The following SLC4A4 variants were observed in gnomAD, a reference collection of about 807,000 sequenced individuals.
SLC4A4 encodes the protein electrogenic sodium bicarbonate cotransporter 1.
In SLC4A4, 27 loss-of-function variants were observed where a neutral mutation model predicts 111.5. The observed-to-expected ratio is 0.24, with a 90% confidence interval of 0.18 to 0.33. The LOEUF (loss-of-function observed/expected upper bound fraction) is 0.33, where lower values mean the gene tolerates loss of function less well. Among genes scored for constraint, SLC4A4 ranks in the 10% least tolerant of loss-of-function variants. SLC4A4 has a pLI of 1.00. For missense variants in SLC4A4, 909 were observed against 1,315.5 expected (o/e 0.69, Z 4.78); for synonymous variants, 443 against 463.4 (o/e 0.96, Z 0.57).
chr4:71,196,942 CG>C (rs1157486240), intron 1 of SLC4A4, among the ~76,000 whole-genome samples: 1 of 146,382 alleles, frequency 6.8e-6, no homozygotes, highest in Non-Finnish European at 1.5e-5. Context: ...TGGCTGGGCA[CG>C]GTGGCTCACG....
intron 2 of SLC4A4, among the ~76,000 whole-genome samples, chr4:71,141,479 C>T (rs1465217829): frequency 6.6e-6 from 1 of 152,124 alleles, no homozygotes. Flanking sequence ...TGTATTTCTC[C>T]TTTTGGGCAT....
chr4:71,308,475 G>A lies in SLC4A4; in HGVS notation c.254-30895G>A, dbSNP rs1045553319. On this transcript the variant is annotated intron_variant, in intron 3 of 25. Coordinates refer to ENST00000264485, the MANE Select transcript of SLC4A4 (RefSeq NM_001098484.3). ...AGAGCTCCAGTCTGTAGCTCCCAGC[G>A]AGACCAATGCAGAAGGCGGGTGATT... 7.2e-5 allele frequency among the ~76,000 whole-genome samples: 11 copies of A among 152,260 alleles called. No individual in the cohort carries two copies. In the East Asian group the frequency reaches 1.4e-3, roughly 19 times the overall value.
At chr4:71,329,706 G>C (rs1014604928) in intron 3 of SLC4A4, among the ~76,000 whole-genome samples, 18 of 152,002 alleles carry the variant, frequency 1.2e-4, no homozygotes, top group African/African-American at 4.1e-4. Context: ...AGTTCTAATA[G>C]CTTTTTGGTG....
At chr4:71,303,519 A>C (rs1174744086) in intron 3 of SLC4A4, among the ~76,000 whole-genome samples, 3 of 152,192 alleles carry the variant, frequency 2.0e-5, no homozygotes, top group Non-Finnish European at 4.4e-5. Flanking sequence ...GAATCTCTTC[A>C]TGACTACTGT....
At chr4:71,084,841 T>C (rs1742110737) in intron 1 of SLC4A4, among the ~76,000 whole-genome samples, 1 of 152,038 alleles carries the variant, frequency 6.6e-6, no homozygotes, top group South Asian at 2.1e-4. Context: ...TCTTTGCTAT[T>C]GTGAATAGTG....
At chr4:71,194,154 G>A (rs1295048206) in intron 1 of SLC4A4, among the ~76,000 whole-genome samples, 3 of 152,044 alleles carry the variant, frequency 2.0e-5, no homozygotes, top group African/African-American at 7.2e-5. Flanking sequence ...CTTATTAGTT[G>A]TTTTGAGAAT....
intron 6 of SLC4A4, among the ~76,000 whole-genome samples, chr4:71,385,396 C>T (rs1006542565): frequency 6.6e-6 from 1 of 151,292 alleles, no homozygotes; most frequent in East Asian, 1.9e-4. Context: ...CGGGGTTTCT[C>T]CATGTTGATC....
At chr4:71,373,825 T>C (rs572904162) in intron 6 of SLC4A4, among the ~76,000 whole-genome samples, 10 of 152,226 alleles carry the variant, frequency 6.6e-5, no homozygotes, top group African/African-American at 2.2e-4. Context: ...AGAAATGTTA[T>C]AGGAATGGTG....
chr4:71,221,453 G>A (rs1231936609), intron 1 of SLC4A4, among the ~76,000 whole-genome samples: 2 of 152,152 alleles, frequency 1.3e-5, no homozygotes, highest in Non-Finnish European at 2.9e-5. Flanking sequence ...TTCCCCCAAA[G>A]TGCAGTCAGT....
chr4:71,507,237 C>T (rs1268933030), intron 16 of SLC4A4, among the ~76,000 whole-genome samples: 1 of 152,122 alleles, frequency 6.6e-6, no homozygotes, highest in African/African-American at 2.4e-5. Context: ...CAAATCCATA[C>T]ATAACAATTC....
intron 3 of SLC4A4, among the ~76,000 whole-genome samples, chr4:71,286,012 G>A (rs1203152051): frequency 6.6e-6 from 1 of 152,170 alleles, no homozygotes; most frequent in African/African-American, 2.4e-5. Context: ...GCCGAGGTGG[G>A]TGGATCACGA....
intron 12 of SLC4A4, among the ~76,000 whole-genome samples, chr4:71,455,711 G>T (rs1316123295): frequency 1.3e-5 from 2 of 152,132 alleles, no homozygotes; most frequent in Admixed American, 1.3e-4. Flanking sequence ...TTGAGATGGG[G>T]ACATTGCAAT....
chr4:71,372,182 C>A (rs1731956487), intron 6 of SLC4A4, among the ~76,000 whole-genome samples: 1 of 152,192 alleles, frequency 6.6e-6, no homozygotes, highest in Non-Finnish European at 1.5e-5. Context: ...TTAAAAGCTT[C>A]ATTTAAAGTT....
chr4:71,361,244 T>C (rs978340946), intron 6 of SLC4A4, among the ~76,000 whole-genome samples: 3 of 152,108 alleles, frequency 2.0e-5, no homozygotes, highest in Non-Finnish European at 2.9e-5. Flanking sequence ...TGGTAACCGG[T>C]TTTCAAACAT....
chr4:71,250,668 G>T (rs560256767), intron 2 of SLC4A4, among the ~76,000 whole-genome samples: 1 of 152,278 alleles, frequency 6.6e-6, no homozygotes, highest in South Asian at 2.1e-4. Flanking sequence ...AACTCTATAT[G>T]CTCACTACGG....
intron 6 of SLC4A4, among the ~76,000 whole-genome samples, chr4:71,384,546 G>A (rs970413683): frequency 1.3e-5 from 2 of 151,352 alleles, no homozygotes; most frequent in Non-Finnish European, 2.9e-5. Context: ...ATCTAGAGCA[G>A]TGAGGAGGGG....
chr4:71,158,992 G>A (rs1213841929), intron 2 of SLC4A4, among the ~76,000 whole-genome samples: 2 of 152,084 alleles, frequency 1.3e-5, no homozygotes, highest in Non-Finnish European at 2.9e-5. Flanking sequence ...CTTCATATCT[G>A]TTTTATTAAA....
chr4:71,106,878 C>G (rs1742942226), intron 2 of SLC4A4, among the ~76,000 whole-genome samples: 1 of 148,702 alleles, frequency 6.7e-6, no homozygotes, highest in Non-Finnish European at 1.5e-5. Context: ...ACATATGTAA[C>G]TAACCTGCAC....
chr4:71,146,888 A>T (rs1372637766), intron 2 of SLC4A4, among the ~76,000 whole-genome samples: 4 of 148,644 alleles, frequency 2.7e-5, no homozygotes, highest in East Asian at 2.0e-4. Flanking sequence ...ACACATAACA[A>T]TACTAACCTT....
Sources: allele counts gnomAD v4.1 joint callset (sites outside exome capture counted in the v4.1 genomes callset), GRCh38; gene constraint gnomAD v4.1.1; transcripts MANE v1.5; gene names NCBI Gene and HGNC (gene_info 2026-07-23, HGNC 2026-07-21).